The following HTRA3 variants were observed in gnomAD, a reference collection of about 807,000 sequenced individuals.
HTRA3 encodes serine protease HTRA3.
Under a neutral mutation model 43.2 loss-of-function variants are expected in HTRA3, and 41 were observed. The ratio of observed to expected loss-of-function variants is 0.95; its 90% CI spans 0.74 to 1.23. The LOEUF (loss-of-function observed/expected upper bound fraction) is 1.23, where lower values mean the gene tolerates loss of function less well. HTRA3 is among the 50% of genes most tolerant of loss of function. HTRA3 has a pLI of 0.00. For missense variants in HTRA3, 628 were observed against 647.1 expected (o/e 0.97, Z 0.32); for synonymous variants, 295 against 287.9 (o/e 1.02, Z -0.25).
intron 1 of HTRA3, among the ~76,000 whole-genome samples, chr4:8,274,963 T>G (rs1291446249): frequency 6.6e-6 from 1 of 152,206 alleles, no homozygotes; most frequent in Non-Finnish European, 1.5e-5. Flanking sequence ...CTTAGCAGCT[T>G]CCTGGGGCTG....
At chr4:8,281,218 A>G (rs758302289) in intron 1 of HTRA3, among the ~76,000 whole-genome samples, 1 of 152,204 alleles carries the variant, frequency 6.6e-6, no homozygotes, top group Non-Finnish European at 1.5e-5. Flanking sequence ...GGCATCCACC[A>G]TGGTACCTTC....
At position 8,279,586 on chromosome 4, in the gene HTRA3, G is replaced by T. The variant is rs1266217181; in HGVS notation, c.386-2851G>T. On this transcript the variant is annotated intron_variant, in intron 1 of 8. Coordinates refer to ENST00000307358, the MANE Select transcript of HTRA3 (RefSeq NM_053044.5). This position sits in a 1 kb window ranked among gnomAD's most constrained non-coding sequence, Gnocchi z 7.4. ...GGTCCAGAGAGCTTTCCGGCCCTGG[G>T]TGTTGGAGTGTCTGAGTCCAGGATG... Among the ~76,000 whole-genome samples the T allele has an allele frequency of 6.6e-6, 1 of 152,164 alleles. No individual in the cohort carries two copies. The highest frequency in any genetic ancestry group is 1.5e-5 in the Non-Finnish European group (1 of 68,024).
At chr4:8,302,064 G>A (rs1469114602) in intron 6 of HTRA3, among the ~76,000 whole-genome samples, 2 of 152,168 alleles carry the variant, frequency 1.3e-5, no homozygotes, top group African/African-American at 4.8e-5. Context: ...TTTTGAGGAA[G>A]ACCAGTGGGA....
At position 8,294,150 on chromosome 4, in the gene HTRA3, T is replaced by C. The variant is rs1713350839; in HGVS notation, c.1000T>C (p.Ser334Pro). Residue 334 changes from serine to proline, a missense_variant, in exon 6 of 9, where the codon TCA becomes CCA. Coordinates refer to ENST00000307358, the MANE Select transcript of HTRA3 (RefSeq NM_053044.5). ...GGCTGGCATCTCCTTTGCCATCCCC[T>C]CAGACCGCATCACACGGTTCCTCAC... Reference protein sequence around the residue: ...VTAGISFAIPSDRITRFLTEF... With the variant: ...VTAGISFAIPPDRITRFLTEF... The C allele has an allele frequency of 6.2e-7, 1 of 1,612,476 alleles. No individual in the cohort carries two copies. The highest frequency in any genetic ancestry group is 8.5e-7 in the Non-Finnish European group (1 of 1,179,380).
At chr4:8,289,641 A>G (rs1176446786) in intron 3 of HTRA3, among the ~76,000 whole-genome samples, 1 of 152,212 alleles carries the variant, frequency 6.6e-6, no homozygotes, top group East Asian at 1.9e-4. Context: ...GGCCCTGGTC[A>G]GCACCCATGG....
chr4:8,277,762 G>A (rs938736251), intron 1 of HTRA3, among the ~76,000 whole-genome samples: 1 of 152,192 alleles, frequency 6.6e-6, no homozygotes, highest in Admixed American at 6.5e-5. Flanking sequence ...GTTGCCATCT[G>A]GTCTGTAGAC....
At chr4:8,274,001 C>T (rs915960527) in intron 1 of HTRA3, among the ~76,000 whole-genome samples, 2 of 150,484 alleles carry the variant, frequency 1.3e-5, no homozygotes, top group Non-Finnish European at 2.9e-5. Flanking sequence ...CCTCCATCCT[C>T]CCTTCCATCA....
At chr4:8,272,969 G>T (rs914281232) in intron 1 of HTRA3, among the ~76,000 whole-genome samples, 23 of 152,218 alleles carry the variant, frequency 1.5e-4, no homozygotes, top group Non-Finnish European at 3.1e-4. Context: ...AGGGCGACAC[G>T]CAGAGTCCAC....
chr4:8,273,689 G>A (rs1294399499), intron 1 of HTRA3, among the ~76,000 whole-genome samples: 1 of 152,048 alleles, frequency 6.6e-6, no homozygotes, highest in Non-Finnish European at 1.5e-5. Context: ...ACTGAAAGGA[G>A]CACCACGATG....
chr4:8,295,746 T>C lies in HTRA3; in HGVS notation c.1051+1545T>C. On this transcript the variant is annotated intron_variant, in intron 6 of 8. Transcript: ENST00000307358. The surrounding 1 kb of genome is among the most constrained non-coding windows in gnomAD (Gnocchi z 6.9). ...CAGGGGGCTTCCTCACGTTTCCCCC[T>C]CCTCCATGACCCCGTCAGCCAAGCA... The C allele has an allele frequency of 7.5e-7, 1 of 1,325,954 alleles. No individual in the cohort carries two copies. The allele number at this position is 1,325,954 out of a possible 1,614,324, so 82.1% of individuals were successfully genotyped here. A position where few individuals can be genotyped will look rare whatever the true frequency, so the allele number is the denominator to read the frequency against.
At chr4:8,287,811 G>T (rs1343209594) in intron 3 of HTRA3, among the ~76,000 whole-genome samples, 1 of 152,230 alleles carries the variant, frequency 6.6e-6, no homozygotes. Flanking sequence ...ACTCGTCCAA[G>T]ATCACAGCGC....
At chr4:8,272,349 T>C (rs1200587205) in intron 1 of HTRA3, among the ~76,000 whole-genome samples, 1 of 152,116 alleles carries the variant, frequency 6.6e-6, no homozygotes, top group Non-Finnish European at 1.5e-5. Flanking sequence ...AATAGTCTTA[T>C]CCCCAGAGAC....
Position 8,279,342 on chromosome 4 carries a change from TC to T in HTRA3, c.386-3094del, listed in dbSNP as rs1174760583. ...GCAAGGCTTTTACTTAACGAATATT[TC>T]ACAGAGGGTTTTAAAACAAATCATC... is the stretch of plus-strand genomic sequence containing the variant. On this transcript the variant is annotated intron_variant, in intron 1 of 8. Transcript: ENST00000307358. This position sits in a 1 kb window ranked among gnomAD's most constrained non-coding sequence, Gnocchi z 7.4. Among the ~76,000 whole-genome samples the T allele has an allele frequency of 6.6e-6, 1 of 152,228 alleles. No homozygotes were observed. The highest frequency in any genetic ancestry group is 1.5e-5 in the Non-Finnish European group (1 of 68,036).
intron 1 of HTRA3, among the ~76,000 whole-genome samples, chr4:8,275,518 G>T (rs926734497): frequency 1.3e-5 from 2 of 152,214 alleles, no homozygotes; most frequent in Non-Finnish European, 2.9e-5. Flanking sequence ...AGAAGAGGAA[G>T]AAACCACCTT....
intron 1 of HTRA3, among the ~76,000 whole-genome samples, chr4:8,278,690 G>A (rs1420386578): frequency 6.6e-6 from 1 of 152,190 alleles, no homozygotes; most frequent in Admixed American, 6.5e-5. Context: ...AGGACCTGGT[G>A]GGGCCCTGCA....
chr4:8,292,369 A>C lies in HTRA3; in HGVS notation c.936+16A>C, dbSNP rs776049578. 3.7e-6 allele frequency: 6 copies of C among 1,610,756 alleles called. No homozygotes were observed. Among genetic ancestry groups the C allele is most frequent in the Non-Finnish European group, 4.2e-6 (5 of 1,177,890 alleles). Reference sequence around the variant, plus strand: ...GGTGAACCTGGTAAGTGTCCCCTAGAGCCAAAATCTCTCAGGTTTCTGGGG... The same window carrying C: ...GGTGAACCTGGTAAGTGTCCCCTAGCGCCAAAATCTCTCAGGTTTCTGGGG... On this transcript the variant is annotated intron_variant, in intron 5 of 8. Transcript: ENST00000307358.
intron 6 of HTRA3, among the ~76,000 whole-genome samples, chr4:8,294,582 G>A (rs62286500): frequency 0.57 from 31,370 of 55,484 alleles, 8,166 homozygotes; most frequent in East Asian, 0.69. Context: ...CCGTCCGTCC[G>A]TCCATCCATC....
rs781482008 is a variant in HTRA3 at position 8,286,711 on chromosome 4, G to C, written c.636G>C (p.Gly212=). The C allele has an allele frequency of 2.5e-6, 4 of 1,614,042 alleles. No individual in the cohort carries two copies. In the Admixed American group the frequency reaches 6.7e-5, roughly 27 times the overall value. Residue 212 remains glycine (G), a synonymous_variant, in exon 3 of 9, where the codon GGG becomes GGC. Transcript: ENST00000307358. This position sits in a 1 kb window ranked among gnomAD's most constrained non-coding sequence, Gnocchi z 4.9. ...RQQLKVQLQN[G]DSYEATIKDI... ...AGCTCAAGGTGCAGCTACAGAATGG[G>C]GACTCCTATGAGGCCACCATCAAAG...
At chr4:8,285,969 A>G (rs1712943984) in intron 2 of HTRA3, among the ~76,000 whole-genome samples, 2 of 152,184 alleles carry the variant, frequency 1.3e-5, no homozygotes. Context: ...GATGATCAGG[A>G]ATCTGCCCCA....
Sources: allele counts gnomAD v4.1 joint callset (sites outside exome capture counted in the v4.1 genomes callset), GRCh38; gene constraint gnomAD v4.1.1; non-coding constraint Gnocchi (gnomAD v3.1); transcripts MANE v1.5; gene names NCBI Gene and HGNC (gene_info 2026-07-23, HGNC 2026-07-21).